THAP12: variants seen among roughly 807,000 people sequenced by gnomAD.
THAP12 encodes 52 kDa repressor of the inhibitor of the protein kinase.
In THAP12, 20 loss-of-function variants were observed where a neutral mutation model predicts 63.0. The ratio of observed to expected loss-of-function variants is 0.32; its 90% confidence interval spans 0.22 to 0.46. The LOEUF is 0.46. THAP12 is among the 20% of genes least tolerant of loss of function. The pLI is 1.00. For synonymous variants in THAP12, 264 were observed against 328.4 expected (o/e 0.80, Z 2.12); for missense variants, 568 against 908.2 (o/e 0.63, Z 4.81).
chr11:76,376,243 C>T (rs552197134), intron 1 of THAP12, among the ~76,000 whole-genome samples: 4 of 152,286 alleles, frequency 2.6e-5, no homozygotes, highest in Middle Eastern at 6.8e-3. Context: ...AATGTATATA[C>T]CCCAAATCGT....
intron 2 of THAP12, among the ~76,000 whole-genome samples, chr11:76,364,840 A>G (rs1946620418): frequency 6.6e-6 from 1 of 152,268 alleles, no homozygotes; most frequent in South Asian, 2.1e-4. Context: ...ATACAAAAAC[A>G]TGAAAACAAG....
Position 76,380,811 on chromosome 11 carries a change from T to G in THAP12, c.26A>C (p.Asn9Thr). The G allele has an allele frequency of 6.9e-7, 1 of 1,451,368 alleles. No homozygotes were observed. Among genetic ancestry groups the G allele is most frequent in the Non-Finnish European group, 9.1e-7 (1 of 1,094,788 alleles). 89.9% of individuals were successfully genotyped at this position (1,451,368 alleles called of 1,614,324 possible). A position where few individuals can be genotyped will look rare whatever the true frequency, so the allele number is the denominator to read the frequency against. The change falls in exon 1 of 5, where the codon AAC becomes ACC. Residue 9 changes from asparagine (N) to threonine (T), a missense_variant. By Grantham distance (65) the Asn-to-Thr change is moderately conservative. Transcript: ENST00000260045. ...GGACTGCGTGCTCTTCCGCGTGCAG[T>G]TGGGGGCAGCGCAGAAGTTCGGCAT... is the stretch of plus-strand genomic sequence containing the variant. MPNFCAAPNCTRKSTQSDL... is the reference protein window; with the variant it reads MPNFCAAPTCTRKSTQSDL...
chr11:76,362,053 G>A (rs774578322), intron 2 of THAP12, among the ~76,000 whole-genome samples: 14 of 152,132 alleles, frequency 9.2e-5, no homozygotes, highest in Non-Finnish European at 2.1e-4. Flanking sequence ...CTAGAAGCTG[G>A]ATGCATACTT....
rs1301230412 is a variant in THAP12, at chr11:76,360,945, CAT to C, written c.318+9_318+10del. 1.3e-6 allele frequency: 2 copies of C among 1,551,688 alleles called. No homozygotes were observed. The highest frequency in any genetic ancestry group is 1.4e-5 in the African/African-American group (1 of 73,436). On this transcript the variant is annotated intron_variant, in intron 3 of 4. Coordinates refer to ENST00000260045, the MANE Select transcript of THAP12 (RefSeq NM_004705.4). ...GGGGAAGGTGGGAAAGCTGAAAGTA[CAT>C]AGACATACCAGTTCTTTTATTCGTT...
intron 3 of THAP12, chr11:76,359,235 C>T (rs1244911488): frequency 6.6e-5 from 10 of 152,134 alleles, no homozygotes; most frequent in African/African-American, 7.2e-5. Context: ...CAAAATTTTT[C>T]GTTTTCTGTA....
intron 4 of THAP12, among the ~76,000 whole-genome samples, chr11:76,355,088 C>T (rs1430090716): frequency 6.6e-6 from 1 of 152,164 alleles, no homozygotes; most frequent in Non-Finnish European, 1.5e-5. Flanking sequence ...GAGGAAGAAA[C>T]AGAGGAGGAG....
chr11:76,351,605 A>G lies in THAP12; in HGVS notation c.1545T>C (p.Thr515=). ...SDVFFAAGSL[T]AVLHSLNEVM... ...CTTCGTTGAGTGAATGCAGTACTGC[A>G]GTCAAGCTACCGGCCGCAAAGAAGA... Residue 515 remains threonine, a synonymous_variant, in exon 5 of 5, where the codon ACT becomes ACC. Transcript: ENST00000260045. The G allele has an allele frequency of 6.3e-7, 1 of 1,586,796 alleles. No individual in the cohort carries two copies. The highest frequency in any genetic ancestry group is 1.1e-5 in the South Asian group (1 of 87,832).
intron 1 of THAP12, among the ~76,000 whole-genome samples, chr11:76,374,733 GA>G (rs1946697315): frequency 6.6e-6 from 1 of 152,200 alleles, no homozygotes; most frequent in South Asian, 2.1e-4. Flanking sequence ...GTGTTATTAT[GA>G]AAATAGTTCT....
rs754049328 is a variant in THAP12, at chr11:76,352,005, C to T, written c.1145G>A (p.Gly382Glu). 6.2e-7 allele frequency: 1 copy of T among 1,609,172 alleles called. No homozygotes were observed. The highest frequency in any genetic ancestry group is 2.2e-5 in the East Asian group (1 of 44,862). ...VPVMGVSVAL[G>E]TIEEVCSFFH... The stretch of plus-strand genomic sequence containing the variant: ...AAAAGAACAAACTTCCTCAATTGTT[C>T]CTAATGCAACAGATACTCCCATAAC... The change falls in exon 5 of 5, where the codon GGA becomes GAA. Residue 382 changes from glycine to glutamate, a missense_variant. Physicochemically the swap from Gly to Glu is moderately conservative, Grantham distance 98 (BLOSUM62 -2). Coordinates refer to ENST00000260045, the MANE Select transcript of THAP12 (RefSeq NM_004705.4).
intron 1 of THAP12, among the ~76,000 whole-genome samples, chr11:76,366,818 C>T (rs1946634608): frequency 6.6e-6 from 1 of 151,968 alleles, no homozygotes; most frequent in Admixed American, 6.6e-5. Context: ...AGATTGCAAG[C>T]TCCATGAATG....
chr11:76,372,571 A>C (rs548932869), intron 1 of THAP12, among the ~76,000 whole-genome samples: 1 of 149,428 alleles, frequency 6.7e-6, no homozygotes, highest in East Asian at 2.0e-4. Context: ...GACTATGCCC[A>C]GTCAGAACTG....
chr11:76,380,655 C>T, intron 1 of THAP12, 93 bp downstream of exon 1: 1 of 1,023,134 alleles, frequency 9.8e-7, no homozygotes, highest in Non-Finnish European at 1.3e-6. Context: ...CTGCGCCCCT[C>T]TCAGCCAGCC....
Position 76,350,805 on chromosome 11 carries a change from C to T in THAP12, c.*59G>A, listed in dbSNP as rs1482455758. ...ATTTAGTGATTAAGTGGTCTACATA[C>T]ACCTTACGGCTTTTTCTTCCAAATA... On this transcript the variant is annotated 3_prime_UTR_variant, in exon 5 of 5. Transcript: ENST00000260045. 6.8e-6 allele frequency: 10 copies of T among 1,465,738 alleles called. No individual in the cohort carries two copies. The highest frequency in any genetic ancestry group is 2.9e-5 in the African/African-American group (2 of 70,174). The allele number at this position is 1,465,738 out of a possible 1,614,324, so 90.8% of individuals were successfully genotyped here.
intron 1 of THAP12, among the ~76,000 whole-genome samples, chr11:76,375,754 G>GGT (rs1339728120): frequency 2.7e-5 from 3 of 109,728 alleles, no homozygotes; most frequent in East Asian, 6.3e-4. Flanking sequence ...AGGTGGGGGG[G>GGT]GGGTGGGTTA....
chr11:76,367,059 T>C (rs1171503910), intron 1 of THAP12, among the ~76,000 whole-genome samples: 1 of 152,010 alleles, frequency 6.6e-6, no homozygotes, highest in East Asian at 1.9e-4. Context: ...AACTAGATCT[T>C]TCCTCAAATT....
At chr11:76,361,893 CAA>C (rs1946600075) in intron 2 of THAP12, among the ~76,000 whole-genome samples, 1 of 152,144 alleles carries the variant, frequency 6.6e-6, no homozygotes, top group African/African-American at 2.4e-5. Context: ...CACATGAAAC[CAA>C]CTCTCACGCC....
chr11:76,363,932 T>C (rs545749383), intron 2 of THAP12, among the ~76,000 whole-genome samples: 47 of 152,242 alleles, frequency 3.1e-4, no homozygotes, highest in Admixed American at 2.9e-3. Context: ...AATAACAACA[T>C]CTCCTAGACG....
intron 1 of THAP12, among the ~76,000 whole-genome samples, chr11:76,373,091 G>A (rs539640703): frequency 1.3e-5 from 2 of 152,128 alleles, no homozygotes; most frequent in Admixed American, 6.5e-5. Flanking sequence ...ATATATAACA[G>A]AGAAGTATAT....
intron 1 of THAP12, among the ~76,000 whole-genome samples, chr11:76,376,372 T>G (rs1946710389): frequency 6.6e-6 from 1 of 152,216 alleles, no homozygotes; most frequent in African/African-American, 2.4e-5. Flanking sequence ...GGGCAGAGAC[T>G]TCGTGTGATC....
Sources: gnomAD v4.1 joint callset for allele counts (sites outside exome capture counted in the v4.1 genomes callset) on GRCh38, gnomAD v4.1.1 for gene constraint, MANE v1.5 for transcripts, NCBI Gene and HGNC (gene_info 2026-07-23, HGNC 2026-07-21) for gene names.